RTL1: variants seen among roughly 807,000 people sequenced by gnomAD.
The protein encoded by RTL1 is retrotransposon-like protein 1.
For synonymous variants in RTL1, 727 were observed against 748.4 expected (o/e 0.97, Z 0.47); for missense variants, 1,681 against 1,767.5 (o/e 0.95, Z 0.88).
At position 100,882,087 on chromosome 14, in the gene RTL1, G is replaced by A. The variant is rs1458650201; in HGVS notation, c.2702C>T (p.Ala901Val). The change falls in exon 4 of 4, where the codon GCC becomes GTC. Residue 901 changes from alanine (A) to valine (V), a missense_variant. By Grantham distance (64) the Ala-to-Val change is moderately conservative (BLOSUM62 0). Transcript: ENST00000649591. ...IQIDDQTGKRACCAFYSRNIS... is the reference protein window; with the variant it reads ...IQIDDQTGKRVCCAFYSRNIS... Reference sequence around the variant, plus strand: ...GTTGCGGGAGTAGAAAGCGCAGCAGGCTCTCTTGCCGGTTTGGTCGTCGAT... The same window carrying A: ...GTTGCGGGAGTAGAAAGCGCAGCAGACTCTCTTGCCGGTTTGGTCGTCGAT... 1 of 1,588,362 alleles carries A rather than the reference G, an allele frequency of 6.3e-7. No individual in the cohort carries two copies. The highest frequency in any genetic ancestry group is 1.1e-5 in the South Asian group (1 of 88,448).
intron 2 of RTL1, among the ~76,000 whole-genome samples, chr14:100,896,748 A>G (rs2038861784): frequency 6.6e-6 from 1 of 152,110 alleles, no homozygotes; most frequent in Non-Finnish European, 1.5e-5. Context: ...TAGAGTCGGG[A>G]AGAAACATGG....
intron 2 of RTL1, among the ~76,000 whole-genome samples, chr14:100,895,839 G>A (rs778832602): frequency 1.4e-4 from 22 of 152,210 alleles, no homozygotes; most frequent in Non-Finnish European, 2.6e-4. Flanking sequence ...TTCGGAGGCC[G>A]AGGCCGGTGG....
rs41286560 is a variant in RTL1 at position 100,883,117 on chromosome 14, G to A, written c.1672C>T (p.Pro558Ser). 1.2e-6 allele frequency: 2 copies of A among 1,612,610 alleles called. No homozygotes were observed. Among genetic ancestry groups the A allele is most frequent in the African/African-American group, 2.7e-5 (2 of 74,914 alleles). Residue 558 changes from proline to serine, a missense_variant, in exon 4 of 4, where the codon CCA becomes TCA. By Grantham distance (74) the Pro-to-Ser change is moderately conservative (BLOSUM62 -1). Coordinates refer to ENST00000649591, the MANE Select transcript of RTL1 (RefSeq NM_001134888.3). The surrounding 1 kb of genome is among the most constrained non-coding windows in gnomAD (Gnocchi z 5.9). Reference protein sequence around the residue: ...GMSLLPGLPHPYSDLADVFNP... With the variant: ...GMSLLPGLPHSYSDLADVFNP... ...AACACGTCGGCCAGGTCTGAGTATG[G>A]GTGTGGCAGTCCGGGTAGCAGGCTC...
chr14:100,896,198 G>A (rs545285187), intron 2 of RTL1, among the ~76,000 whole-genome samples: 6 of 152,296 alleles, frequency 3.9e-5, no homozygotes, highest in South Asian at 4.1e-4. Context: ...CAGGAAAGGC[G>A]ATTAAGAGCG....
At position 100,884,573 on chromosome 14, in the gene RTL1, A is replaced by G; in HGVS notation, c.216T>C (p.Asp72=). ...PLQEMEELPT[D]LLQDMEEPSS... ...ATGGCTCCTCCATGTCTTGGAGTAG[A>G]TCAGTGGGCAGCTCTTCCATTTCCT... is the stretch of plus-strand genomic sequence containing the variant. Residue 72 remains aspartate, a synonymous_variant, in exon 4 of 4, where the codon GAT becomes GAC. Coordinates refer to ENST00000649591, the MANE Select transcript of RTL1 (RefSeq NM_001134888.3). The G allele has an allele frequency of 2.5e-6, 4 of 1,613,154 alleles. No homozygotes were observed. The highest frequency in any genetic ancestry group is 2.5e-6 in the Non-Finnish European group (3 of 1,179,302).
chr14:100,883,809 C>A lies in RTL1; in HGVS notation c.980G>T (p.Cys327Phe). The change falls in exon 4 of 4, where the codon TGC (cysteine) becomes TTC (phenylalanine). Residue 327 changes from cysteine (C) to phenylalanine (F), a missense_variant. Cys to Phe is a radical substitution (Grantham distance 205). Transcript: ENST00000649591. This position sits in a 1 kb window ranked among gnomAD's most constrained non-coding sequence, Gnocchi z 5.9. ...CCTGATCTCCTCGTTGAGCCCCTGG[C>A]ACAAGTGGGCCTGCAGGACTTCATC... ...WPDEVLQAHL[C>F]QGLNEEIRHY... is the part of the protein sequence containing the mutation. The A allele has an allele frequency of 6.4e-7, 1 of 1,551,680 alleles. No homozygotes were observed. The highest frequency in any genetic ancestry group is 1.7e-4 in the Middle Eastern group (1 of 5,992).
intron 2 of RTL1, among the ~76,000 whole-genome samples, chr14:100,894,429 C>G (rs1343806749): frequency 6.6e-6 from 1 of 152,200 alleles, no homozygotes; most frequent in Admixed American, 6.5e-5. Flanking sequence ...CAACTCCTTT[C>G]TCCTGACCCT....
At chr14:100,902,479 C>T (rs564637894) in intron 2 of RTL1, among the ~76,000 whole-genome samples, 7 of 152,228 alleles carry the variant, frequency 4.6e-5, no homozygotes, top group Non-Finnish European at 8.8e-5. Context: ...ATCTGTTGAG[C>T]GGCTTCTCAG....
intron 2 of RTL1, among the ~76,000 whole-genome samples, chr14:100,894,425 C>T (rs2038827096): frequency 6.6e-6 from 1 of 152,348 alleles, no homozygotes; most frequent in East Asian, 1.9e-4. Context: ...GCTGCAACTC[C>T]TTTCTCCTGA....
In RTL1 at chr14:100,884,098, A is replaced by G. The variant is rs1263525993; in HGVS notation, c.691T>C (p.Phe231Leu). 1 of 1,551,692 alleles carries G rather than the reference A, an allele frequency of 6.4e-7. No homozygotes were observed. ...QLTLQSYPRM[F>L]YNDRLRVGYV... is the part of the protein sequence containing the mutation. Reference sequence around the variant, plus strand: ...CCAACTCTCAGACGGTCGTTATAGAACATTCTTGGGTAGCTCTGTAAGGTC... The same window carrying G: ...CCAACTCTCAGACGGTCGTTATAGAGCATTCTTGGGTAGCTCTGTAAGGTC... The change falls in exon 4 of 4, where the codon TTC becomes CTC. Residue 231 changes from phenylalanine (F) to leucine (L), a missense_variant. Phe to Leu is a conservative substitution (Grantham distance 22). Coordinates refer to ENST00000649591, the MANE Select transcript of RTL1 (RefSeq NM_001134888.3).
At chr14:100,886,229 A>C (rs1373466892) in intron 3 of RTL1, among the ~76,000 whole-genome samples, 1 of 152,062 alleles carries the variant, frequency 6.6e-6, no homozygotes, top group Admixed American at 6.5e-5. Context: ...AAAAAAAAAA[A>C]AACTGCGTTC....
rs1277711332 is a variant in RTL1, at chr14:100,884,040, A to G, written c.749T>C (p.Leu250Ser). The G allele has an allele frequency of 2.6e-6, 4 of 1,551,724 alleles. No homozygotes were observed. The highest frequency in any genetic ancestry group is 2.0e-5 in the Admixed American group (1 of 51,012). Residue 250 changes from leucine (L) to serine (S), a missense_variant, in exon 4 of 4, where the codon TTA becomes TCA. By Grantham distance (145) the Leu-to-Ser change is moderately radical. Coordinates refer to ENST00000649591, the MANE Select transcript of RTL1 (RefSeq NM_001134888.3). ...YVINHLSGLA[L>S]EWAKALLQEN... ...CTGCAGTAGAGCTTTGGCCCATTCT[A>G]ATGCCAAGCCGGACAGGTGATTGAT...
intron 2 of RTL1, among the ~76,000 whole-genome samples, chr14:100,895,583 G>GGTC (rs1438196560): frequency 1.3e-5 from 2 of 152,116 alleles, no homozygotes; most frequent in East Asian, 3.9e-4. Flanking sequence ...TGGGGAGCAG[G>GGTC]GTCGGGGTGG....
Position 100,883,502 on chromosome 14 carries a change from C to T in RTL1, c.1287G>A (p.Val429=). ...PYHSVAVQAL[V]DSGADGNFMD... ...TGAAGTTGCCGTCAGCTCCCGAATC[C>T]ACCAGGGCCTGGACCGCGACGCTGT... Residue 429 remains valine, a synonymous_variant, in exon 4 of 4, where the codon GTG becomes GTA. Transcript: ENST00000649591. This position sits in a 1 kb window ranked among gnomAD's most constrained non-coding sequence, Gnocchi z 5.9. 1 of 1,551,500 alleles carries T rather than the reference C, an allele frequency of 6.4e-7. No homozygotes were observed. The highest frequency in any genetic ancestry group is 8.7e-7 in the Non-Finnish European group (1 of 1,146,978).
At chr14:100,884,905 A>G in intron 3 of RTL1, 31 bp from the exon 4 acceptor site, 1 of 942,436 alleles carries the variant, frequency 1.1e-6, no homozygotes. Context: ...TGGGGAGTAA[A>G]GGCAGTAGTT....
intron 2 of RTL1, among the ~76,000 whole-genome samples, chr14:100,900,265 A>G (rs886503453): frequency 1.3e-5 from 2 of 152,212 alleles, no homozygotes; most frequent in Admixed American, 6.5e-5. Flanking sequence ...TAAATTTCAC[A>G]GAAAATTCTC....
At chr14:100,890,333 C>T (rs1401150294) in intron 3 of RTL1, among the ~76,000 whole-genome samples, 2 of 151,630 alleles carry the variant, frequency 1.3e-5, no homozygotes, top group Non-Finnish European at 1.5e-5. Flanking sequence ...GGGACAAATC[C>T]CTCAGCAAAT....
At chr14:100,903,158 G>A (rs772586302) in intron 2 of RTL1, among the ~76,000 whole-genome samples, 133 bp downstream of exon 2, 13 of 152,132 alleles carry the variant, frequency 8.5e-5, no homozygotes, top group Admixed American at 2.6e-4. Context: ...AGTTTTTCCC[G>A]GCGGCTTCCT....
At chr14:100,898,356 A>G (rs1316921618) in intron 2 of RTL1, among the ~76,000 whole-genome samples, 1 of 152,238 alleles carries the variant, frequency 6.6e-6, no homozygotes, top group African/African-American at 2.4e-5. Context: ...TGCAGTGAGC[A>G]TTCTTGCAGC....
Sources: gnomAD v4.1 joint callset for allele counts (sites outside exome capture counted in the v4.1 genomes callset) on GRCh38, gnomAD v4.1.1 for gene constraint, Gnocchi (gnomAD v3.1) non-coding constraint, MANE v1.5 for transcripts, NCBI Gene and HGNC (gene_info 2026-07-23, HGNC 2026-07-21) for gene names.